Variants in DNAH2 observed in about 807,000 individuals in gnomAD.
DNAH2 encodes axonemal beta dynein heavy chain 2.
DNAH2 carries 323 observed loss-of-function variants against 523.5 expected under a neutral mutation model. The ratio of observed to expected loss-of-function variants is 0.62; its 90% confidence interval spans 0.56 to 0.68. DNAH2 has a LOEUF of 0.68. DNAH2 is among the 30% of genes least tolerant of loss of function. DNAH2 has a pLI of 0.00. For synonymous variants in DNAH2, 2,093 were observed against 2,177.4 expected, an observed-to-expected ratio of 0.96 and a Z score of 1.08; for missense variants, 4,907 against 5,701.5, an observed-to-expected ratio of 0.86 and a Z score of 4.49.
chr17:7,748,186 A>G (rs1469305285), intron 12 of DNAH2, among the ~76,000 whole-genome samples: 1 of 152,230 alleles, frequency 6.6e-6, no homozygotes, highest in Non-Finnish European at 1.5e-5. Flanking sequence ...ACAGCTTCAC[A>G]GATTGCACTT....
rs1017426940 is a variant in DNAH2, at chr17:7,823,971, A to T, written c.11467A>T (p.Asn3823Tyr). Residue 3823 changes from asparagine (N) to tyrosine (Y), a missense_variant, in exon 75 of 86, where the codon AAT becomes TAT. Physicochemically the swap from Asn to Tyr is moderately radical, Grantham distance 143 (BLOSUM62 -2). Coordinates refer to ENST00000572933, the MANE Select transcript of DNAH2 (RefSeq NM_020877.5). ...GSRFIEPPVL[N>Y]MKSVLEDSTP... Reference sequence around the variant, plus strand: ...CCGCTTCATCGAGCCGCCTGTGCTGAATATGAAGTCGGTCGGTGGCTCGGC... The same window carrying T: ...CCGCTTCATCGAGCCGCCTGTGCTGTATATGAAGTCGGTCGGTGGCTCGGC... 48 of 1,613,118 alleles carry T rather than the reference A, an allele frequency of 3.0e-5. No homozygotes were observed. Among genetic ancestry groups the T allele is most frequent in the Non-Finnish European group, 4.1e-5 (48 of 1,179,768 alleles).
intron 61 of DNAH2, among the ~76,000 whole-genome samples, chr17:7,806,272 TA>T (rs1482443355): frequency 6.6e-6 from 1 of 152,230 alleles, no homozygotes; most frequent in Non-Finnish European, 1.5e-5. Context: ...TTCAGTAGGT[TA>T]GATGCATTAA....
intron 28 of DNAH2, among the ~76,000 whole-genome samples, 172 bp downstream of exon 28, chr17:7,771,640 A>G (rs1051533169): frequency 2.0e-5 from 3 of 152,292 alleles, no homozygotes; most frequent in Non-Finnish European, 4.4e-5. Flanking sequence ...AACTCAACAA[A>G]TATTTGAGTG....
chr17:7,775,133 T>A, intron 29 of DNAH2, 108 bp from the exon 30 acceptor site: 1 of 1,284,422 alleles, frequency 7.8e-7, no homozygotes. Flanking sequence ...ATTGGTAATA[T>A]TGAGAGGAGG....
At position 7,817,709 on chromosome 17, in the gene DNAH2, G is replaced by T; in HGVS notation, c.10169G>T (p.Arg3390Met). ...GGCATCATCGTCACCCGAGGCAACA[G>T]GTGAGGGTGCTGCTGGGCGTGGGGG... ...ENGIIVTRGN[R>M]WALMIDPQAQ... Residue 3390 changes from arginine to methionine, a missense_variant and splice_region_variant, in exon 66 of 86, where the codon AGG becomes ATG. This residue lies in a region of DNAH2 where 1,851 missense variants were observed against 2,139.4 expected (regional missense o/e 0.87). Coordinates refer to ENST00000572933, the MANE Select transcript of DNAH2 (RefSeq NM_020877.5). The T allele has an allele frequency of 1.2e-6, 2 of 1,614,210 alleles. No individual in the cohort carries two copies. Among genetic ancestry groups the T allele is most frequent in the Non-Finnish European group, 1.7e-6 (2 of 1,180,024 alleles).
At chr17:7,722,828 T>A (rs951677498) in intron 2 of DNAH2, among the ~76,000 whole-genome samples, 1 of 152,170 alleles carries the variant, frequency 6.6e-6, no homozygotes, top group Non-Finnish European at 1.5e-5. Flanking sequence ...CTATTGTGAA[T>A]AATGCTGCTA....
intron 10 of DNAH2, 35 bp from the exon 11 acceptor site, chr17:7,740,775 G>A: frequency 1.3e-6 from 2 of 1,585,792 alleles, no homozygotes; most frequent in South Asian, 1.1e-5. Context: ...CCGCCTTCCC[G>A]GGCACGTCGC....
chr17:7,794,212 C>T (rs764980420), intron 48 of DNAH2, 42 bp from the exon 49 acceptor site: 2 of 1,499,630 alleles, frequency 1.3e-6, no homozygotes, highest in Non-Finnish European at 9.1e-7. Context: ...CTCTTGCCCT[C>T]TCCCCTCCTG....
intron 50 of DNAH2, 72 bp downstream of exon 50, chr17:7,796,724 GC>G: frequency 6.6e-7 from 1 of 1,506,798 alleles, no homozygotes; most frequent in South Asian, 1.3e-5. Context: ...CTCAAACTAA[GC>G]CTTAACACTC....
intron 24 of DNAH2, among the ~76,000 whole-genome samples, chr17:7,769,989 G>T (rs971600397): frequency 1.3e-5 from 2 of 152,188 alleles, no homozygotes; most frequent in African/African-American, 4.8e-5. Context: ...ACTCAGTACA[G>T]TTCTAGAGTA....
rs1196039195 is a variant in DNAH2 at position 7,832,337 on chromosome 17, G to A, written c.12727-242G>A. On this transcript the variant is annotated intron_variant, in intron 82 of 85. Transcript: ENST00000572933. The surrounding 1 kb of genome is among the most constrained non-coding windows in gnomAD (Gnocchi z 4.3). ...AGCCTGGTCAACATGGTGAAACCCC[G>A]TCTCTACTAAAAAAATACAAAAATT... 6.6e-6 allele frequency among the ~76,000 whole-genome samples: 1 copy of A among 151,854 alleles called. No individual in the cohort carries two copies. Among genetic ancestry groups the A allele is most frequent in the Non-Finnish European group, 1.5e-5 (1 of 67,958 alleles).
chr17:7,763,505 T>C lies in DNAH2; in HGVS notation c.2979-326T>C, dbSNP rs889657484. On this transcript the variant is annotated intron_variant, in intron 18 of 85. Transcript: ENST00000572933. The stretch of plus-strand genomic sequence containing the variant: ...CATGTTGGCTAGGCTGGTCTTGAAC[T>C]CCTGACCTCGTGATTCACCTGCCTC... 2.6e-5 allele frequency among the ~76,000 whole-genome samples: 4 copies of C among 152,176 alleles called. 1 individual carries two copies. The highest frequency in any genetic ancestry group is 5.9e-5 in the Non-Finnish European group (4 of 68,032).
In DNAH2 at chr17:7,771,354, C is replaced by G; in HGVS notation, c.4387C>G (p.Arg1463Gly). 1 of 1,614,106 alleles carries G rather than the reference C, an allele frequency of 6.2e-7. No individual in the cohort carries two copies. The highest frequency in any genetic ancestry group is 8.5e-7 in the Non-Finnish European group (1 of 1,180,018). The change falls in exon 28 of 86, where the codon CGC becomes GGC. Residue 1463 changes from arginine (R) to glycine (G), a missense_variant. Arg to Gly is a moderately radical substitution (Grantham distance 125, BLOSUM62 -2). Around this residue, in one of 3 missense-constraint regions of DNAH2, gnomAD observed 2,806 missense variants for 3,190.8 expected, o/e 0.88. Transcript: ENST00000572933. ...GAATATCTTCCTAGGAGAAGACATC[C>G]GCAAGCAGCTGCCCAATGAATCGAC... ...LENIFLGEDIRKQLPNESTLF... is the reference protein window; with the variant it reads ...LENIFLGEDIGKQLPNESTLF...
In DNAH2 at chr17:7,788,076, T is replaced by C; in HGVS notation, c.6742-10T>C. 6.2e-7 allele frequency: 1 copy of C among 1,614,042 alleles called. No individual in the cohort carries two copies. Among genetic ancestry groups the C allele is most frequent in the Non-Finnish European group, 8.5e-7 (1 of 1,179,908 alleles). Reference sequence around the variant, plus strand: ...GGGTGAATGAAGAGCCCCTTCTTATTCAACTCCAGGCTGAGGTGGAGCCCC... The same window carrying C: ...GGGTGAATGAAGAGCCCCTTCTTATCCAACTCCAGGCTGAGGTGGAGCCCC... On this transcript the variant is annotated splice_polypyrimidine_tract_variant and intron_variant, in intron 43 of 85. Coordinates refer to ENST00000572933, the MANE Select transcript of DNAH2 (RefSeq NM_020877.5).
chr17:7,797,625 T>C (rs1354730004), intron 52 of DNAH2, 55 bp from the exon 53 acceptor site: 4 of 1,613,668 alleles, frequency 2.5e-6, no homozygotes, highest in African/African-American at 2.7e-5. Flanking sequence ...TGGAGCCCTG[T>C]GGGGGGAGGC....
At chr17:7,725,126 G>C (rs571091054) in intron 3 of DNAH2, among the ~76,000 whole-genome samples, 2 of 151,854 alleles carry the variant, frequency 1.3e-5, no homozygotes, top group South Asian at 4.2e-4. Flanking sequence ...GTCTTGGTCT[G>C]TTGCCCAGGC....
At chr17:7,779,523 A>G (rs1437260585) in intron 36 of DNAH2, 100 bp downstream of exon 36, 5 of 1,291,692 alleles carry the variant, frequency 3.9e-6, no homozygotes, top group East Asian at 2.5e-5. Flanking sequence ...ATGCGAATGT[A>G]TATAGCTAAG....
At chr17:7,764,946 G>A (rs1053603054) in intron 20 of DNAH2, among the ~76,000 whole-genome samples, 1 of 147,404 alleles carries the variant, frequency 6.8e-6, no homozygotes. Flanking sequence ...GGGCTCAAGC[G>A]ATCCTCCCAC....
chr17:7,827,142 A>G (rs1319180545), intron 77 of DNAH2, among the ~76,000 whole-genome samples: 1 of 151,864 alleles, frequency 6.6e-6, no homozygotes, highest in Non-Finnish European at 1.5e-5. Context: ...GTAGTTCTTC[A>G]TATATTCCAG....
Sources: gnomAD v4.1 joint callset for allele counts (sites outside exome capture counted in the v4.1 genomes callset) on GRCh38, gnomAD v4.1.1 for gene constraint, gnomAD v4.1.1 regional missense constraint, Gnocchi (gnomAD v3.1) non-coding constraint, MANE v1.5 for transcripts, NCBI Gene and HGNC (gene_info 2026-07-23, HGNC 2026-07-21) for gene names.